UBE2F: variants seen among roughly 807,000 people sequenced by gnomAD.
UBE2F encodes ubiquitin conjugating enzyme E2 F (putative).
UBE2F carries 5 observed loss-of-function variants against 29.6 expected under a neutral mutation model. The ratio of observed to expected loss-of-function variants is 0.17; its 90% CI spans 0.09 to 0.36. The LOEUF is 0.36. Ranked by LOEUF, UBE2F falls within the 10% of genes least tolerant of loss-of-function variation. The pLI is 1.00. For missense variants in UBE2F, 141 were observed against 228.5 expected (o/e 0.62, Z 2.47); for synonymous variants, 66 against 81.8 (o/e 0.81, Z 1.04).
intron 6 of UBE2F, 126 bp downstream of exon 6, chr2:238,025,538 C>A: frequency 1.2e-6 from 1 of 854,616 alleles, no homozygotes; most frequent in Non-Finnish European, 1.9e-6. Flanking sequence ...GGCTTGAACT[C>A]AGCTGAAGTA....
intron 6 of UBE2F, 117 bp downstream of exon 6, chr2:238,025,529 G>A (rs539312282): frequency 1.6e-5 from 15 of 950,076 alleles, no homozygotes; most frequent in Non-Finnish European, 2.5e-5. Context: ...ATTAGGAAGG[G>A]CTTGAACTCA....
At chr2:238,038,099 AGCACCTCC>A (rs2064758530) in intron 9 of UBE2F, among the ~76,000 whole-genome samples, 2 of 152,196 alleles carry the variant, frequency 1.3e-5, no homozygotes, top group Non-Finnish European at 2.9e-5. Context: ...AGTGGGCAGG[AGCACCTCC>A]GACAGGGAGG....
intron 2 of UBE2F, among the ~76,000 whole-genome samples, chr2:237,980,281 G>A (rs762544423): frequency 6.6e-6 from 1 of 152,132 alleles, no homozygotes; most frequent in Non-Finnish European, 1.5e-5. Flanking sequence ...TTGTCAGCTT[G>A]GGCTGCTGTA....
At chr2:238,011,477 C>T (rs1050950708) in intron 4 of UBE2F, among the ~76,000 whole-genome samples, 6 of 152,200 alleles carry the variant, frequency 3.9e-5, no homozygotes, top group Non-Finnish European at 8.8e-5. Flanking sequence ...CTAGAATATA[C>T]GCTTCATAAG....
At position 238,042,044 on chromosome 2, in the gene UBE2F, T is replaced by TA. The variant is rs2064844302; in HGVS notation, c.*707dup. Reference sequence around the variant, plus strand: ...CTATTGAAGAGAAATACAAAGAAAATATGAAAGGCACATTATTCATTTTGT... The same window carrying TA: ...CTATTGAAGAGAAATACAAAGAAAATAATGAAAGGCACATTATTCATTTTGT... On this transcript the variant is annotated 3_prime_UTR_variant, in exon 10 of 10. Transcript: ENST00000272930. 1 of 152,564 alleles carries TA rather than the reference T, an allele frequency of 6.6e-6. No homozygotes were observed. The highest frequency in any genetic ancestry group is 2.4e-5 in the African/African-American group (1 of 41,428). The allele number at this position is 152,564 out of a possible 1,614,324, so 9.5% of individuals were successfully genotyped here. A position where few individuals can be genotyped will look rare whatever the true frequency, so the allele number is the denominator to read the frequency against.
intron 9 of UBE2F, 129 bp from the exon 10 acceptor site, chr2:238,041,159 C>A (rs2064830829): frequency 2.4e-6 from 2 of 840,982 alleles, no homozygotes; most frequent in Non-Finnish European, 3.9e-6. Context: ...AGGTCCCAGT[C>A]CTTCTACCAC....
chr2:237,997,968 G>T (rs899477988), intron 4 of UBE2F, among the ~76,000 whole-genome samples: 1 of 152,238 alleles, frequency 6.6e-6, no homozygotes, highest in Non-Finnish European at 1.5e-5. Flanking sequence ...GGAGGCTTCT[G>T]TGAAGTTAGT....
At chr2:237,992,691 G>GC (rs1409554132) in intron 3 of UBE2F, among the ~76,000 whole-genome samples, 1 of 152,174 alleles carries the variant, frequency 6.6e-6, no homozygotes, top group African/African-American at 2.4e-5. Context: ...AATTAACCTT[G>GC]CTTCTGTTGA....
chr2:238,015,608 A>T (rs1266366035), intron 4 of UBE2F, among the ~76,000 whole-genome samples: 4 of 152,016 alleles, frequency 2.6e-5, no homozygotes, highest in Non-Finnish European at 4.4e-5. Flanking sequence ...TTTAATGATG[A>T]CTTGTTTGAG....
intron 6 of UBE2F, among the ~76,000 whole-genome samples, chr2:238,030,331 CA>C (rs1423558652): frequency 6.6e-6 from 1 of 152,056 alleles, no homozygotes; most frequent in Non-Finnish European, 1.5e-5. Context: ...TCAAGTATTA[CA>C]ACAAATAGAT....
intron 4 of UBE2F, chr2:238,003,605 T>C (rs929260131): frequency 1.1e-5 from 3 of 263,394 alleles, no homozygotes; most frequent in Non-Finnish European, 2.4e-5. Context: ...CCAGTAAAAA[T>C]GTATATAGTG....
intron 2 of UBE2F, among the ~76,000 whole-genome samples, chr2:237,984,937 G>A (rs547889740): frequency 1.3e-5 from 2 of 149,962 alleles, no homozygotes; most frequent in Admixed American, 6.7e-5. Context: ...GCACCACCAC[G>A]CCTGACTCTT....
intron 2 of UBE2F, among the ~76,000 whole-genome samples, chr2:237,975,297 A>G (rs957817753): frequency 2.6e-5 from 4 of 150,984 alleles, no homozygotes; most frequent in Non-Finnish European, 5.9e-5. Flanking sequence ...TTTTGTAGAG[A>G]TGGGGTTTCA....
In UBE2F at chr2:238,025,554, G is replaced by A. The variant is rs527252483; in HGVS notation, c.353+142G>A. ...GCTTGAACTCAGCTGAAGTAGCTGC[G>A]GTTGCCTGCCTGCTCCCAAACCCTA... On this transcript the variant is annotated intron_variant, in intron 6 of 9. Coordinates refer to ENST00000272930, the MANE Select transcript of UBE2F (RefSeq NM_080678.3). The A allele has an allele frequency of 3.4e-4, 254 of 746,324 alleles. No homozygotes were observed. The African/African-American group carries it at 3.7e-3, about 11-fold the overall frequency. 46.2% of individuals were successfully genotyped at this position (746,324 alleles called of 1,614,324 possible).
chr2:238,038,250 A>G (rs1219031382), intron 9 of UBE2F, among the ~76,000 whole-genome samples: 2 of 152,202 alleles, frequency 1.3e-5, no homozygotes, highest in African/African-American at 4.8e-5. Flanking sequence ...TGTGCTGCCA[A>G]GGAGGCAAGC....
chr2:237,998,717 C>G (rs549082780), intron 4 of UBE2F, among the ~76,000 whole-genome samples: 1 of 151,444 alleles, frequency 6.6e-6, no homozygotes, highest in East Asian at 1.9e-4. Context: ...ACATGTTTAA[C>G]CTTTTAAGAA....
chr2:237,989,133 T>G (rs2063536165), intron 3 of UBE2F, among the ~76,000 whole-genome samples: 1 of 152,178 alleles, frequency 6.6e-6, no homozygotes, highest in South Asian at 2.1e-4. Flanking sequence ...GTTCTGGGGC[T>G]GAGGATGTCT....
At chr2:237,997,210 G>T (rs569708033) in intron 4 of UBE2F, among the ~76,000 whole-genome samples, 2 of 152,104 alleles carry the variant, frequency 1.3e-5, no homozygotes, top group East Asian at 3.9e-4. Flanking sequence ...CTGAGCGACA[G>T]AGCTGTCTCA....
chr2:238,028,132 AGAACT>A (rs1252137373), intron 6 of UBE2F, among the ~76,000 whole-genome samples: 5 of 152,238 alleles, frequency 3.3e-5, no homozygotes, highest in Non-Finnish European at 5.9e-5. Flanking sequence ...AGGCCAGGCT[AGAACT>A]TCCTCAGTGA....
Sources: allele counts gnomAD v4.1 joint callset (sites outside exome capture counted in the v4.1 genomes callset), GRCh38; gene constraint gnomAD v4.1.1; transcripts MANE v1.5; gene names NCBI Gene and HGNC (gene_info 2026-07-23, HGNC 2026-07-21).